Variants in MTHFD1L observed in about 807,000 individuals in gnomAD.
MTHFD1L encodes the protein monofunctional C1-tetrahydrofolate synthase, mitochondrial.
MTHFD1L carries 81 observed loss-of-function variants against 119.5 expected under a neutral mutation model. The ratio of observed to expected loss-of-function variants is 0.68; its 90% CI spans 0.57 to 0.82. The LOEUF is 0.82. Among genes scored for constraint, MTHFD1L ranks in the 40% least tolerant of loss-of-function variants. The pLI is 0.00. For synonymous variants in MTHFD1L, 430 were observed against 475.2 expected (o/e 0.90, Z 1.24); for missense variants, 1,125 against 1,253.4 (o/e 0.90, Z 1.55).
chr6:151,076,387 C>T (rs1216976898), intron 26 of MTHFD1L, among the ~76,000 whole-genome samples: 1 of 152,082 alleles, frequency 6.6e-6, no homozygotes, highest in Non-Finnish European at 1.5e-5. Flanking sequence ...CGGTGGCTCA[C>T]AGCTGTAATT....
chr6:150,879,483 T>G (rs1230252087), intron 4 of MTHFD1L, among the ~76,000 whole-genome samples: 3 of 151,380 alleles, frequency 2.0e-5, no homozygotes, highest in African/African-American at 7.3e-5. Context: ...GAGACAGGGT[T>G]TCATCATGTT....
At chr6:151,082,914 T>C (rs891938729) in intron 26 of MTHFD1L, among the ~76,000 whole-genome samples, 1 of 152,182 alleles carries the variant, frequency 6.6e-6, no homozygotes, top group Non-Finnish European at 1.5e-5. Context: ...CGATAATGCT[T>C]TGCCCCACAC....
At chr6:150,967,819 C>G (rs1797442814) in intron 19 of MTHFD1L, among the ~76,000 whole-genome samples, 1 of 152,166 alleles carries the variant, frequency 6.6e-6, no homozygotes, top group South Asian at 2.1e-4. Flanking sequence ...TCTGCTGCTA[C>G]TCTTTTCTTC....
At chr6:151,010,576 A>G (rs1300931903) in intron 21 of MTHFD1L, among the ~76,000 whole-genome samples, 1 of 152,190 alleles carries the variant, frequency 6.6e-6, no homozygotes, top group African/African-American at 2.4e-5. Context: ...AAGACTTTTT[A>G]TATTTACCTA....
chr6:151,034,819 G>C (rs1785911745), intron 25 of MTHFD1L, among the ~76,000 whole-genome samples: 1 of 152,194 alleles, frequency 6.6e-6, no homozygotes, highest in South Asian at 2.1e-4. Flanking sequence ...ATTTACTTCT[G>C]TGACTATAAA....
chr6:150,929,135 T>G (rs1402440881), intron 11 of MTHFD1L, among the ~76,000 whole-genome samples: 1 of 152,204 alleles, frequency 6.6e-6, no homozygotes, highest in Non-Finnish European at 1.5e-5. Context: ...CTGCCTCTGG[T>G]TAGATTGGCT....
intron 20 of MTHFD1L, among the ~76,000 whole-genome samples, chr6:150,988,424 C>T (rs1778600247): frequency 6.6e-6 from 1 of 152,050 alleles, no homozygotes; most frequent in Admixed American, 6.5e-5. Context: ...TTTTTAGCAA[C>T]GTTTGGTATA....
At chr6:150,883,919 T>G (rs942143380) in intron 5 of MTHFD1L, among the ~76,000 whole-genome samples, 1 of 152,134 alleles carries the variant, frequency 6.6e-6, no homozygotes, top group Non-Finnish European at 1.5e-5. Flanking sequence ...ATGGGGAGGC[T>G]ACCACCTTCC....
chr6:150,934,894 A>G (rs1791785171), intron 11 of MTHFD1L: 1 of 1,497,010 alleles, frequency 6.7e-7, no homozygotes, highest in South Asian at 1.4e-5. Context: ...TTATAGCTGG[A>G]TCAGCTACCA....
At chr6:150,905,810 C>T in intron 8 of MTHFD1L, 49 bp downstream of exon 8, 2 of 1,372,176 alleles carry the variant, frequency 1.5e-6, no homozygotes. Context: ...TCAGATAGTT[C>T]AAAGAAATGT....
intron 20 of MTHFD1L, among the ~76,000 whole-genome samples, chr6:151,008,532 G>A (rs1459092391): frequency 6.6e-6 from 1 of 152,106 alleles, no homozygotes; most frequent in Non-Finnish European, 1.5e-5. Flanking sequence ...CTCAGATACT[G>A]CTGATGCTGT....
At chr6:150,997,771 AAAAAACAAAAC>A (rs1005562677) in intron 20 of MTHFD1L, among the ~76,000 whole-genome samples, 1 of 152,206 alleles carries the variant, frequency 6.6e-6, no homozygotes, top group Non-Finnish European at 1.5e-5. Flanking sequence ...AGCCTGTCTC[AAAAAACAAAAC>A]AAAAAAAATA....
chr6:151,078,952 A>G (rs567385726), intron 26 of MTHFD1L, among the ~76,000 whole-genome samples: 2 of 152,272 alleles, frequency 1.3e-5, no homozygotes, highest in East Asian at 3.9e-4. Context: ...TGTTTTGTTC[A>G]GTAGGCCTGC....
At chr6:150,924,539 C>T (rs2128904379) in intron 10 of MTHFD1L, among the ~76,000 whole-genome samples, 1 of 152,228 alleles carries the variant, frequency 6.6e-6, no homozygotes, top group Non-Finnish European at 1.5e-5. Context: ...TGCAGTGGTG[C>T]AATCTCAGCT....
intron 9 of MTHFD1L, among the ~76,000 whole-genome samples, chr6:150,921,978 T>C (rs1789025869): frequency 6.6e-6 from 1 of 152,246 alleles, no homozygotes; most frequent in Admixed American, 6.5e-5. Flanking sequence ...TTCAGTGCGA[T>C]ATTGAATAGT....
chr6:150,901,274 G>A (rs1168784086), intron 7 of MTHFD1L, among the ~76,000 whole-genome samples: 2 of 151,920 alleles, frequency 1.3e-5, no homozygotes, highest in African/African-American at 4.8e-5. Context: ...TTCAAGACCA[G>A]CCTGGGCAAC....
At chr6:150,971,858 C>A in intron 19 of MTHFD1L, 89 bp from the exon 20 acceptor site, 3 of 1,080,174 alleles carry the variant, frequency 2.8e-6, no homozygotes, top group Non-Finnish European at 4.2e-6. Flanking sequence ...TTCATAAAAG[C>A]TTTCCTACCC....
intron 26 of MTHFD1L, among the ~76,000 whole-genome samples, chr6:151,086,354 C>T (rs1793805335): frequency 6.6e-6 from 1 of 152,062 alleles, no homozygotes; most frequent in South Asian, 2.1e-4. Flanking sequence ...CCTCGTGCAT[C>T]ATCTTAGAGT....
chr6:150,898,481 C>T (rs1784609005), intron 7 of MTHFD1L, among the ~76,000 whole-genome samples: 1 of 152,160 alleles, frequency 6.6e-6, no homozygotes, highest in Non-Finnish European at 1.5e-5. Context: ...ATGTGAGGCT[C>T]AGAACTGAAA....
Sources: gnomAD v4.1 joint callset for allele counts (sites outside exome capture counted in the v4.1 genomes callset) on GRCh38, gnomAD v4.1.1 for gene constraint, MANE v1.5 for transcripts, NCBI Gene and HGNC (gene_info 2026-07-23, HGNC 2026-07-21) for gene names.